The following YTHDC2 variants were observed in gnomAD, a reference collection of about 807,000 sequenced individuals.
YTHDC2 encodes the protein 3'-5' RNA helicase YTHDC2.
A neutral mutation model predicts 174.9 loss-of-function variants in YTHDC2; 45 were observed. The observed-to-expected ratio is 0.26, with a 90% confidence interval of 0.20 to 0.33. The LOEUF (loss-of-function observed/expected upper bound fraction) is 0.33. YTHDC2 is among the 10% of genes least tolerant of loss of function. The pLI is 1.00. For missense variants in YTHDC2, 1,650 were observed against 1,723.7 expected (o/e 0.96, Z 0.76); for synonymous variants, 657 against 574.5 (o/e 1.14, Z -2.05).
intron 17 of YTHDC2, among the ~76,000 whole-genome samples, chr5:113,560,342 A>G (rs920511083): frequency 1.3e-5 from 2 of 152,206 alleles, no homozygotes; most frequent in African/African-American, 4.8e-5. Flanking sequence ...CTTGAACTTA[A>G]TGGTTGAGAA....
chr5:113,543,872 T>A (rs922420854), intron 10 of YTHDC2, among the ~76,000 whole-genome samples: 4 of 152,242 alleles, frequency 2.6e-5, no homozygotes, highest in African/African-American at 9.6e-5. Flanking sequence ...CATGGCCCAA[T>A]GCCTACTTAT....
rs1344683908 is a variant in YTHDC2, at chr5:113,517,933, G to A, written c.278+2571G>A. Among the ~76,000 whole-genome samples the A allele has an allele frequency of 2.0e-5, 3 of 151,918 alleles. No individual in the cohort carries two copies. In the South Asian group the frequency reaches 6.2e-4, roughly 31 times the overall value. On this transcript the variant is annotated intron_variant, in intron 2 of 29. Transcript: ENST00000161863. Reference sequence around the variant, plus strand: ...AGATGGAGTCTTGCTCTGTCACCCAGGCTGGAGTGCAGTGGTACAATCTCG... The same window carrying A: ...AGATGGAGTCTTGCTCTGTCACCCAAGCTGGAGTGCAGTGGTACAATCTCG...
At chr5:113,562,631 C>T (rs1266697582) in intron 18 of YTHDC2, among the ~76,000 whole-genome samples, 3 of 152,142 alleles carry the variant, frequency 2.0e-5, no homozygotes, top group Non-Finnish European at 4.4e-5. Flanking sequence ...TTCTCAAGCA[C>T]GTCTTTTTTC....
chr5:113,566,837 A>G (rs1200277471), intron 21 of YTHDC2, among the ~76,000 whole-genome samples: 1 of 152,140 alleles, frequency 6.6e-6, no homozygotes, highest in Admixed American at 6.5e-5. Flanking sequence ...ATCTAAAAAA[A>G]TTTAAGCCCC....
At chr5:113,521,973 G>C (rs977440187) in intron 2 of YTHDC2, among the ~76,000 whole-genome samples, 2 of 151,884 alleles carry the variant, frequency 1.3e-5, no homozygotes, top group Non-Finnish European at 2.9e-5. Flanking sequence ...GTACAAATTA[G>C]TATGATGCAA....
intron 26 of YTHDC2, among the ~76,000 whole-genome samples, chr5:113,587,505 GTATT>G (rs1210350078): frequency 7.8e-6 from 1 of 127,826 alleles, no homozygotes; most frequent in East Asian, 2.2e-4. Context: ...TATATATAAT[GTATT>G]TATATGTAAT....
chr5:113,581,094 C>T (rs962568832), intron 24 of YTHDC2, among the ~76,000 whole-genome samples: 7 of 152,262 alleles, frequency 4.6e-5, no homozygotes, highest in Admixed American at 3.9e-4. Flanking sequence ...GGATGTTCTA[C>T]AGGCACTAAA....
intron 4 of YTHDC2, among the ~76,000 whole-genome samples, chr5:113,527,729 A>G (rs1488520811): frequency 6.8e-6 from 1 of 146,842 alleles, no homozygotes; most frequent in Non-Finnish European, 1.5e-5. Flanking sequence ...AAAACTGAAT[A>G]ATTAAAAACA....
chr5:113,563,309 C>A, intron 18 of YTHDC2, 64 bp from the exon 19 acceptor site: 1 of 1,410,434 alleles, frequency 7.1e-7, no homozygotes, highest in South Asian at 1.4e-5. Context: ...CCCATGATTT[C>A]TTTAAATGTG....
rs141246836 is a variant in YTHDC2 at position 113,553,274 on chromosome 5, T to C, written c.1782T>C (p.Ala594=). ...LSAEDRELLK[A]YHHSFDDEKV... is the part of the protein sequence containing the mutation. ...CTGAAGACAGAGAGCTCCTGAAAGC[T>C]TATCATCATAGTTTCGATGATGAAA... is the stretch of plus-strand genomic sequence containing the variant. The change falls in exon 13 of 30, where the codon GCT becomes GCC. Residue 594 remains alanine (A), a synonymous_variant. Transcript: ENST00000161863. 8.0e-5 allele frequency: 129 copies of C among 1,611,328 alleles called. No individual in the cohort carries two copies. The African/African-American group carries it at 1.6e-3, about 20-fold the overall frequency.
At chr5:113,589,384 CT>C (rs1778865936) in intron 26 of YTHDC2, among the ~76,000 whole-genome samples, 1 of 80,420 alleles carries the variant, frequency 1.2e-5, no homozygotes, top group South Asian at 4.5e-4. Flanking sequence ...AAGTTCAAGT[CT>C]TTTAAAAATT....
chr5:113,574,203 C>T (rs1412924254), intron 23 of YTHDC2, among the ~76,000 whole-genome samples: 1 of 152,134 alleles, frequency 6.6e-6, no homozygotes, highest in African/African-American at 2.4e-5. Flanking sequence ...AGAGTCAGGC[C>T]AGTCTTCCAT....
chr5:113,577,099 A>G (rs1778104771), intron 23 of YTHDC2, among the ~76,000 whole-genome samples: 1 of 152,138 alleles, frequency 6.6e-6, no homozygotes, highest in South Asian at 2.1e-4. Context: ...TCCTTTAGAA[A>G]GCTTGCATGA....
chr5:113,590,440 G>T (rs573539932), intron 26 of YTHDC2, among the ~76,000 whole-genome samples: 1 of 152,154 alleles, frequency 6.6e-6, no homozygotes, highest in Non-Finnish European at 1.5e-5. Context: ...GAATTGTTTG[G>T]TCTACTTGTT....
chr5:113,582,279 G>A (rs1362657830), intron 25 of YTHDC2: 1 of 152,162 alleles, frequency 6.6e-6, no homozygotes. Context: ...CATATAATAA[G>A]TAAACAAATT....
At chr5:113,589,408 A>AAAATATATATATATATATATAT (rs368975720) in intron 26 of YTHDC2, among the ~76,000 whole-genome samples, 7 of 123,256 alleles carry the variant, frequency 5.7e-5, no homozygotes, top group Admixed American at 3.3e-4. Context: ...AAAAAAAAAA[A>AAAATATATATATATATATATAT]ATATATATAT....
chr5:113,567,375 A>G, intron 22 of YTHDC2, 78 bp downstream of exon 22: 1 of 996,040 alleles, frequency 1.0e-6, no homozygotes, highest in Non-Finnish European at 1.4e-6. Context: ...AATGCTCCAA[A>G]TACCTGCCTG....
At chr5:113,544,533 TTTTGAA>T (rs1298444725) in intron 10 of YTHDC2, among the ~76,000 whole-genome samples, 5 of 152,192 alleles carry the variant, frequency 3.3e-5, no homozygotes, top group African/African-American at 4.8e-5. Flanking sequence ...ACTACCTTTC[TTTTGAA>T]TTTGAATTGT....
chr5:113,563,306 TTTC>T, intron 18 of YTHDC2, 64 bp from the exon 19 acceptor site: 1 of 1,386,462 alleles, frequency 7.2e-7, no homozygotes. Context: ...GTTCCCATGA[TTTC>T]TTTAAATGTG....
Sources: allele counts gnomAD v4.1 joint callset (sites outside exome capture counted in the v4.1 genomes callset), GRCh38; gene constraint gnomAD v4.1.1; transcripts MANE v1.5; gene names NCBI Gene and HGNC (gene_info 2026-07-23, HGNC 2026-07-21).